Variants in HTR1E observed in about 807,000 individuals in gnomAD.
HTR1E encodes the protein 5-hydroxytryptamine receptor 1E.
Under a neutral mutation model 3.4 loss-of-function variants are expected in HTR1E, and 3 were observed. The observed-to-expected ratio is 0.89, with a 90% CI of 0.41 to 2.31. The LOEUF is 2.31. Ranked by LOEUF, HTR1E falls within the 30% of genes most tolerant of loss-of-function variation. The pLI is 0.05. For missense variants in HTR1E, 392 were observed against 467.0 expected (o/e 0.84, Z 1.48); for synonymous variants, 170 against 182.8 (o/e 0.93, Z 0.56).
intron 1 of HTR1E, among the ~76,000 whole-genome samples, chr6:87,006,673 C>A (rs1562073088): frequency 1.3e-5 from 2 of 152,122 alleles, no homozygotes; most frequent in Non-Finnish European, 2.9e-5. Context: ...TGAAATCAAC[C>A]CAAATCCCCA....
chr6:86,971,043 A>G, intron 1 of HTR1E: 1 of 507,600 alleles, frequency 2.0e-6, no homozygotes, highest in Non-Finnish European at 3.9e-6. Context: ...CTGTTGGAAA[A>G]CACTTCAAAG....
At chr6:87,013,175 C>T (rs1313787484) in intron 1 of HTR1E, among the ~76,000 whole-genome samples, 2 of 152,066 alleles carry the variant, frequency 1.3e-5, no homozygotes, top group Non-Finnish European at 2.9e-5. Context: ...GGACAAAGCC[C>T]CAGAAGAATA....
chr6:86,960,664 C>G (rs1767392807), intron 1 of HTR1E, among the ~76,000 whole-genome samples: 1 of 152,158 alleles, frequency 6.6e-6, no homozygotes, highest in Admixed American at 6.5e-5. Flanking sequence ...AAAGGCTGAG[C>G]TAGGCACGGA....
At chr6:86,995,665 CAAAAAAA>C (rs60134206) in intron 1 of HTR1E, among the ~76,000 whole-genome samples, 9 of 36,688 alleles carry the variant, frequency 2.5e-4, no homozygotes, top group East Asian at 6.6e-4. Flanking sequence ...GACTCCATCT[CAAAAAAA>C]AAAAAAAAAA....
At chr6:86,979,633 A>G (rs1767683928) in intron 1 of HTR1E, among the ~76,000 whole-genome samples, 2 of 152,218 alleles carry the variant, frequency 1.3e-5, no homozygotes, top group Admixed American at 1.3e-4. Flanking sequence ...ATGTAATGAC[A>G]ATATATTGCT....
intron 1 of HTR1E, among the ~76,000 whole-genome samples, chr6:87,013,770 C>A (rs1041387079): frequency 5.9e-5 from 9 of 151,636 alleles, no homozygotes; most frequent in African/African-American, 1.7e-4. Flanking sequence ...ATGTTTTTGT[C>A]AAAAACGATT....
At chr6:86,963,557 C>T (rs1767436848) in intron 1 of HTR1E, among the ~76,000 whole-genome samples, 2 of 152,318 alleles carry the variant, frequency 1.3e-5, no homozygotes, top group South Asian at 2.1e-4. Context: ...CACTCGCTGA[C>T]TCACCCAGAG....
At position 87,015,816 on chromosome 6, in the gene HTR1E, G is replaced by A; in HGVS notation, c.482G>A (p.Arg161Lys). ...ATCTCCATGCCCCCTCTGTTCTGGA[G>A]AAGCCACCGCCGCCTAAGCCCTCCC... ...IFISMPPLFWRSHRRLSPPPS... is the reference protein window; with the variant it reads ...IFISMPPLFWKSHRRLSPPPS... The change falls in exon 2 of 2, where the codon AGA (arginine) becomes AAA (lysine). Residue 161 changes from arginine to lysine, a missense_variant. Arg to Lys is a conservative substitution (Grantham distance 26). Transcript: ENST00000305344. 1.2e-6 allele frequency: 2 copies of A among 1,613,550 alleles called. No individual in the cohort carries two copies. Among genetic ancestry groups the A allele is most frequent in the Admixed American group, 1.7e-5 (1 of 59,976 alleles).
intron 1 of HTR1E, among the ~76,000 whole-genome samples, chr6:86,994,466 T>C (rs999404949): frequency 2.3e-4 from 35 of 152,114 alleles, no homozygotes; most frequent in Admixed American, 6.5e-5. Context: ...CAGAAAATCC[T>C]GGCACAACAT....
intron 1 of HTR1E, among the ~76,000 whole-genome samples, chr6:86,954,131 G>A (rs1031660366): frequency 2.6e-5 from 4 of 152,134 alleles, no homozygotes; most frequent in African/African-American, 9.7e-5. Flanking sequence ...GGACATTTTT[G>A]CAGTCTACAA....
chr6:87,011,526 A>G (rs1768235914), intron 1 of HTR1E, among the ~76,000 whole-genome samples: 1 of 152,186 alleles, frequency 6.6e-6, no homozygotes, highest in African/African-American at 2.4e-5. Context: ...ACGTTATATA[A>G]TATTTTCTGG....
intron 1 of HTR1E, among the ~76,000 whole-genome samples, chr6:86,950,652 T>C (rs1767225179): frequency 1.3e-5 from 2 of 152,198 alleles, no homozygotes; most frequent in African/African-American, 4.8e-5. Context: ...TGCCACATAA[T>C]AAGCACTCAA....
chr6:86,958,540 C>T (rs1360238284), intron 1 of HTR1E, among the ~76,000 whole-genome samples: 2 of 152,160 alleles, frequency 1.3e-5, no homozygotes, highest in Non-Finnish European at 2.9e-5. Context: ...ATTATGAGGG[C>T]AGGAGTCTCA....
intron 1 of HTR1E, among the ~76,000 whole-genome samples, chr6:86,945,637 TAGCTATACAATGTGTTTTA>T (rs1376941569): frequency 6.6e-6 from 1 of 152,228 alleles, no homozygotes; most frequent in African/African-American, 2.4e-5. Context: ...TATTTTTGTA[TAGCTATACAATGTGTTTTA>T]AGCTAAGTGC....
At chr6:86,965,773 C>A (rs537312751) in intron 1 of HTR1E, among the ~76,000 whole-genome samples, 4 of 151,956 alleles carry the variant, frequency 2.6e-5, no homozygotes. Flanking sequence ...AAACACTGTA[C>A]GTCCTCACTC....
In HTR1E at chr6:87,015,685, C is replaced by T. The variant is rs144594723; in HGVS notation, c.351C>T (p.Ala117=). 23 of 1,614,046 alleles carry T rather than the reference C, an allele frequency of 1.4e-5. No homozygotes were observed. In the African/African-American group the frequency reaches 2.8e-4, roughly 20 times the overall value. Residue 117 remains alanine (A), a synonymous_variant, in exon 2 of 2, where the codon GCC becomes GCT. Transcript: ENST00000305344. Reference sequence around the variant, plus strand: ...CCATCCTCCACCTCTGTGTCATTGCCCTGGACAGGTACTGGGCCATCACCA... The same window carrying T: ...CCATCCTCCACCTCTGTGTCATTGCTCTGGACAGGTACTGGGCCATCACCA... ...TCSILHLCVI[A]LDRYWAITNA...
At chr6:86,972,865 T>C (rs1255232747) in intron 1 of HTR1E, among the ~76,000 whole-genome samples, 1 of 152,174 alleles carries the variant, frequency 6.6e-6, no homozygotes, top group Non-Finnish European at 1.5e-5. Context: ...TGAGTTTCTG[T>C]AATAAATCTG....
chr6:87,001,678 A>C (rs1208947765), intron 1 of HTR1E, among the ~76,000 whole-genome samples: 1 of 152,222 alleles, frequency 6.6e-6, no homozygotes, highest in African/African-American at 2.4e-5. Context: ...CAAATGAAGC[A>C]TCTGGCATCT....
At chr6:86,972,367 A>G (rs1393816883) in intron 1 of HTR1E, among the ~76,000 whole-genome samples, 2 of 151,918 alleles carry the variant, frequency 1.3e-5, no homozygotes, top group Non-Finnish European at 2.9e-5. Context: ...TTTTCAGGGG[A>G]AAAAAAAGGT....
Sources: allele counts gnomAD v4.1 joint callset (sites outside exome capture counted in the v4.1 genomes callset), GRCh38; gene constraint gnomAD v4.1.1; transcripts MANE v1.5; gene names NCBI Gene and HGNC (gene_info 2026-07-23, HGNC 2026-07-21).